SLIT3: variants seen among roughly 807,000 people sequenced by gnomAD.
SLIT3 encodes slit guidance ligand 3, also known as slit homolog 3 protein.
A neutral mutation model predicts 184.0 loss-of-function variants in SLIT3; 68 were observed. The observed-to-expected ratio is 0.37, with a 90% CI of 0.30 to 0.45. The LOEUF (loss-of-function observed/expected upper bound fraction) is 0.45, where lower values mean the gene tolerates loss of function less well. Ranked by LOEUF, SLIT3 falls within the 20% of genes least tolerant of loss-of-function variation. The pLI is 1.00. For missense variants in SLIT3, 1,707 were observed against 2,026.0 expected (o/e 0.84, Z 3.02); for synonymous variants, 831 against 828.6 (o/e 1.00, Z -0.05).
chr5:168,701,824 C>A (rs960886659), intron 26 of SLIT3, among the ~76,000 whole-genome samples: 1 of 152,244 alleles, frequency 6.6e-6, no homozygotes, highest in Admixed American at 6.5e-5. Context: ...CACTGCCACA[C>A]CACCTGCTCG....
chr5:169,047,507 C>A (rs567006011), intron 4 of SLIT3, among the ~76,000 whole-genome samples: 13 of 58,170 alleles, frequency 2.2e-4, no homozygotes, highest in Non-Finnish European at 1.4e-4. Context: ...CATCTGGAGA[C>A]CTAGATGGAA....
At chr5:169,111,891 A>G (rs1223097567) in intron 4 of SLIT3, among the ~76,000 whole-genome samples, 1 of 152,156 alleles carries the variant, frequency 6.6e-6, no homozygotes, top group Non-Finnish European at 1.5e-5. Context: ...ACTGTACTAG[A>G]TATCTGGGGG....
chr5:168,730,963 A>G (rs1763272579), intron 20 of SLIT3, among the ~76,000 whole-genome samples: 1 of 152,076 alleles, frequency 6.6e-6, no homozygotes, highest in Non-Finnish European at 1.5e-5. Context: ...ATGGGGACCA[A>G]AAGGATAATA....
intron 1 of SLIT3, among the ~76,000 whole-genome samples, chr5:169,269,277 T>G (rs190637493): frequency 3.9e-5 from 6 of 152,366 alleles, no homozygotes; most frequent in Admixed American, 1.3e-4. Context: ...CTCTGACTTA[T>G]ATACCAACTC....
intron 8 of SLIT3, among the ~76,000 whole-genome samples, chr5:168,811,642 A>T (rs1757160197): frequency 6.6e-6 from 1 of 152,204 alleles, no homozygotes; most frequent in Non-Finnish European, 1.5e-5. Context: ...TTCCATCTTT[A>T]AAAAACCTCA....
At chr5:169,157,480 C>T (rs1444896391) in intron 4 of SLIT3, among the ~76,000 whole-genome samples, 1 of 152,126 alleles carries the variant, frequency 6.6e-6, no homozygotes, top group Non-Finnish European at 1.5e-5. Flanking sequence ...AAGATCCCCT[C>T]CCCCCAGGTA....
At chr5:168,882,975 T>C (rs1213584125) in intron 5 of SLIT3, among the ~76,000 whole-genome samples, 1 of 152,176 alleles carries the variant, frequency 6.6e-6, no homozygotes, top group East Asian at 1.9e-4. Flanking sequence ...AAGATGATAA[T>C]GATGCTGGGC....
At chr5:168,787,996 T>C (rs1756220158) in intron 11 of SLIT3, among the ~76,000 whole-genome samples, 1 of 152,094 alleles carries the variant, frequency 6.6e-6, no homozygotes, top group Admixed American at 6.6e-5. Context: ...TGAGAGGTGC[T>C]TCACTTAAAC....
chr5:169,275,422 C>A (rs1210582105), intron 1 of SLIT3, among the ~76,000 whole-genome samples: 1 of 152,208 alleles, frequency 6.6e-6, no homozygotes, highest in East Asian at 1.9e-4. Flanking sequence ...ACAAGGTTCA[C>A]CTAGCTGCAG....
At chr5:168,919,461 T>A (rs1315272685) in intron 4 of SLIT3, among the ~76,000 whole-genome samples, 2 of 152,126 alleles carry the variant, frequency 1.3e-5, no homozygotes, top group Admixed American at 6.6e-5. Flanking sequence ...GAGACATAAC[T>A]ATGATATACT....
intron 4 of SLIT3, chr5:169,024,842 G>A (rs1036909930): frequency 6.6e-6 from 1 of 152,264 alleles, no homozygotes; most frequent in African/African-American, 2.4e-5. Flanking sequence ...CATTGGTTCA[G>A]CTTGAAGAAA....
intron 4 of SLIT3, among the ~76,000 whole-genome samples, chr5:169,051,030 C>G (rs982470576): frequency 6.6e-6 from 1 of 152,160 alleles, no homozygotes; most frequent in Admixed American, 6.5e-5. Context: ...CCATCAAGAT[C>G]TGCATCTAAA....
At chr5:168,869,808 G>C (rs1049137852) in intron 5 of SLIT3, among the ~76,000 whole-genome samples, 53 of 152,300 alleles carry the variant, frequency 3.5e-4, no homozygotes, top group African/African-American at 1.2e-3. Flanking sequence ...AAGTTTTCCT[G>C]GCAGACACAG....
chr5:168,754,835 T>A (rs1292746459), intron 16 of SLIT3, among the ~76,000 whole-genome samples: 1 of 152,232 alleles, frequency 6.6e-6, no homozygotes, highest in East Asian at 1.9e-4. Flanking sequence ...TCTGGGGGAC[T>A]GACAGAGTTA....
chr5:169,259,917 A>G (rs1766106518), intron 1 of SLIT3, among the ~76,000 whole-genome samples: 1 of 152,162 alleles, frequency 6.6e-6, no homozygotes, highest in African/African-American at 2.4e-5. Context: ...AATTTGCAAA[A>G]TGAAACGTTA....
chr5:168,725,400 T>C (rs930283826), intron 20 of SLIT3, among the ~76,000 whole-genome samples: 3 of 152,256 alleles, frequency 2.0e-5, no homozygotes, highest in Non-Finnish European at 4.4e-5. Flanking sequence ...CCACCCTTGC[T>C]GTAAACCCCT....
intron 4 of SLIT3, among the ~76,000 whole-genome samples, chr5:169,078,144 C>T (rs998152647): frequency 3.9e-5 from 6 of 152,152 alleles, no homozygotes; most frequent in Non-Finnish European, 2.9e-5. Flanking sequence ...CTGACCTCAA[C>T]CACCCACTGC....
rs775301864 is a variant in SLIT3, at chr5:168,685,779, C to T, written c.3463G>A (p.Glu1155Lys). 1.6e-5 allele frequency: 25 copies of T among 1,612,730 alleles called. No individual in the cohort carries two copies. The highest frequency in any genetic ancestry group is 6.7e-5 in the East Asian group (3 of 44,866). The change falls in exon 31 of 36, where the codon GAG (glutamate) becomes AAG (lysine). Residue 1155 changes from glutamate to lysine, a missense_variant. Physicochemically the swap from Glu to Lys is moderately conservative, Grantham distance 56 (BLOSUM62 1). This residue lies in a region of SLIT3 where 13 missense variants were observed against 36.4 expected (regional missense o/e 0.36). Transcript: ENST00000519560. The stretch of plus-strand genomic sequence containing the variant: ...ACGAAGTTGACAGTGATGAGCTTCT[C>T]GCATCTGGGGCCGGCGAAGCCTGGT... ...CPPGFAGPRC[E>K]KLITVNFVGK...
chr5:168,948,326 G>A (rs1265790711), intron 4 of SLIT3, among the ~76,000 whole-genome samples: 1 of 152,130 alleles, frequency 6.6e-6, no homozygotes, highest in Non-Finnish European at 1.5e-5. Context: ...TGGATTTTTG[G>A]GTTCAGAGGA....
Sources: allele counts gnomAD v4.1 joint callset (sites outside exome capture counted in the v4.1 genomes callset), GRCh38; gene constraint gnomAD v4.1.1; regional missense constraint gnomAD v4.1.1; transcripts MANE v1.5; gene names NCBI Gene and HGNC (gene_info 2026-07-23, HGNC 2026-07-21).